MLIP: variants seen among roughly 807,000 people sequenced by gnomAD.
MLIP encodes the protein muscular LMNA-interacting protein.
MLIP carries 79 observed loss-of-function variants against 84.8 expected under a neutral mutation model. The ratio of observed to expected loss-of-function variants is 0.93; its 90% confidence interval spans 0.78 to 1.12. The LOEUF is 1.12. Among genes scored for constraint, MLIP ranks in the 50% most tolerant of loss-of-function variants. MLIP has a pLI of 0.00. For synonymous variants in MLIP, 504 were observed against 463.0 expected (o/e 1.09, Z -1.14); for missense variants, 1,257 against 1,160.6 (o/e 1.08, Z -1.21).
chr6:54,251,294 G>T (rs1295876123), intron 12 of MLIP, among the ~76,000 whole-genome samples: 1 of 150,748 alleles, frequency 6.6e-6, no homozygotes, highest in Non-Finnish European at 1.5e-5. Context: ...AGAATCTCAG[G>T]CCCCTCTCCA....
intron 1 of MLIP, among the ~76,000 whole-genome samples, chr6:54,087,977 G>C (rs1012599745): frequency 2.6e-5 from 4 of 152,204 alleles, no homozygotes; most frequent in Non-Finnish European, 4.4e-5. Flanking sequence ...TCATGATTTA[G>C]TGCAAGTTAC....
intron 1 of MLIP, among the ~76,000 whole-genome samples, chr6:54,073,060 C>A (rs909561226): frequency 6.6e-6 from 1 of 152,274 alleles, no homozygotes. Flanking sequence ...CCTCACTCAC[C>A]CTTTTCTGTC....
intron 12 of MLIP, among the ~76,000 whole-genome samples, chr6:54,239,356 C>CATATATATATAATAT (rs922748196): frequency 4.3e-5 from 6 of 140,600 alleles, no homozygotes; most frequent in Non-Finnish European, 9.0e-5. Flanking sequence ...GCCATTTAAA[C>CATATATATATAATAT]ATATATATAT....
chr6:54,185,893 T>G (rs1204013560), intron 9 of MLIP, among the ~76,000 whole-genome samples: 2 of 152,174 alleles, frequency 1.3e-5, no homozygotes, highest in Admixed American at 1.3e-4. Context: ...AACACCATGA[T>G]GGATATTCTG....
chr6:54,219,690 A>T (rs1780097263), intron 11 of MLIP, among the ~76,000 whole-genome samples: 1 of 152,212 alleles, frequency 6.6e-6, no homozygotes, highest in African/African-American at 2.4e-5. Flanking sequence ...AACAACAAAG[A>T]TTCTAAGCTT....
At chr6:54,215,257 T>A in intron 11 of MLIP, 3 of 1,495,492 alleles carry the variant, frequency 2.0e-6, no homozygotes, top group Non-Finnish European at 2.6e-6. Flanking sequence ...ACTTTCCTAC[T>A]TCCTGAAAAA....
intron 1 of MLIP, among the ~76,000 whole-genome samples, chr6:54,056,410 C>A (rs1336746111): frequency 6.6e-6 from 1 of 152,174 alleles, no homozygotes; most frequent in African/African-American, 2.4e-5. Flanking sequence ...TTCCCTTCCT[C>A]ATTTTTGGGA....
chr6:54,221,696 G>A (rs1201502540), intron 11 of MLIP, among the ~76,000 whole-genome samples: 1 of 125,234 alleles, frequency 8.0e-6, no homozygotes, highest in Non-Finnish European at 1.7e-5. Flanking sequence ...TTGTTAACTT[G>A]TTTGTTCAGT....
chr6:54,137,975 C>G lies in MLIP; in HGVS notation c.1906C>G (p.Leu636Val). The G allele has an allele frequency of 6.5e-7, 1 of 1,536,118 alleles. No homozygotes were observed. The highest frequency in any genetic ancestry group is 8.7e-7 in the Non-Finnish European group (1 of 1,146,888). The change falls in exon 4 of 14, where the codon CTG becomes GTG. Residue 636 changes from leucine (L) to valine (V), a missense_variant. Transcript: ENST00000502396. ...ATCATCCCAACTATCTGGCCAGGAG[C>G]TGAATCCTTCAGCTCTTCCTTCACT... The part of the protein sequence containing the change: ...RASSQLSGQE[L>V]NPSALPSLPV...
intron 1 of MLIP, among the ~76,000 whole-genome samples, chr6:54,096,571 C>G (rs1006166858): frequency 1.1e-4 from 17 of 152,044 alleles, no homozygotes; most frequent in Non-Finnish European, 2.4e-4. Context: ...ATATGGGAAG[C>G]GCTTATGGGC....
In MLIP at chr6:54,148,622, T is replaced by A. The variant is rs1286944564; in HGVS notation, c.2218-434T>A. On this transcript the variant is annotated intron_variant, in intron 4 of 13. Coordinates refer to ENST00000502396, the MANE Select transcript of MLIP (RefSeq NM_001281747.2). ...TTTTACGGATGATGCAAGAAAATGA[T>A]CAAGAGCTCAATTACACTTATTGGC... is the stretch of plus-strand genomic sequence containing the variant. Among the ~76,000 whole-genome samples, 3 of 152,280 alleles carry A rather than the reference T, an allele frequency of 2.0e-5. No individual in the cohort carries two copies. The East Asian group carries it at 5.8e-4, about 29-fold the overall frequency.
At chr6:54,211,101 G>A (rs1401444392) in intron 11 of MLIP, among the ~76,000 whole-genome samples, 9 of 152,100 alleles carry the variant, frequency 5.9e-5, no homozygotes, top group African/African-American at 1.2e-4. Flanking sequence ...TTAGCTGGGC[G>A]TGGTGGCGGG....
chr6:54,205,353 T>C (rs939791171), intron 11 of MLIP, among the ~76,000 whole-genome samples: 1 of 152,200 alleles, frequency 6.6e-6, no homozygotes, highest in African/African-American at 2.4e-5. Flanking sequence ...TCCACCCATG[T>C]AATGGAAAAT....
chr6:54,199,182 A>G (rs1188577033), intron 10 of MLIP, among the ~76,000 whole-genome samples: 1 of 152,130 alleles, frequency 6.6e-6, no homozygotes, highest in African/African-American at 2.4e-5. Context: ...TAAGTTACAG[A>G]GAGGTGGATA....
chr6:54,163,409 T>C (rs1459970164), intron 8 of MLIP, among the ~76,000 whole-genome samples: 1 of 151,906 alleles, frequency 6.6e-6, no homozygotes, highest in Non-Finnish European at 1.5e-5. Flanking sequence ...TCTTATTTCA[T>C]GTTTTCTATT....
At chr6:54,032,818 A>T (rs537092209) in intron 1 of MLIP, among the ~76,000 whole-genome samples, 1 of 152,100 alleles carries the variant, frequency 6.6e-6, no homozygotes, top group Non-Finnish European at 1.5e-5. Flanking sequence ...CCTCCCAAAG[A>T]GGGATCATTT....
At chr6:54,186,217 T>C (rs1360128855) in intron 9 of MLIP, among the ~76,000 whole-genome samples, 1 of 152,224 alleles carries the variant, frequency 6.6e-6, no homozygotes, top group Non-Finnish European at 1.5e-5. Context: ...ATTAAAACAA[T>C]AATGATACAT....
chr6:54,048,604 A>G (rs909557835), intron 1 of MLIP, among the ~76,000 whole-genome samples: 1 of 152,188 alleles, frequency 6.6e-6, no homozygotes, highest in Non-Finnish European at 1.5e-5. Flanking sequence ...AGGGGCAGCC[A>G]TCAGTTATTG....
chr6:54,041,370 G>A (rs1253855759), intron 1 of MLIP, among the ~76,000 whole-genome samples: 1 of 152,084 alleles, frequency 6.6e-6, no homozygotes, highest in Non-Finnish European at 1.5e-5. Context: ...GTTAATAAAT[G>A]AAGCTGTTAT....
Sources: gnomAD v4.1 joint callset for allele counts (sites outside exome capture counted in the v4.1 genomes callset) on GRCh38, gnomAD v4.1.1 for gene constraint, MANE v1.5 for transcripts, NCBI Gene and HGNC (gene_info 2026-07-23, HGNC 2026-07-21) for gene names.